TLE4: variants seen among roughly 807,000 people sequenced by gnomAD.
TLE4 encodes the protein transducin-like enhancer protein 4.
A neutral mutation model predicts 92.8 loss-of-function variants in TLE4; 8 were observed. The ratio of observed to expected loss-of-function variants is 0.09; its 90% CI spans 0.05 to 0.16. The LOEUF is 0.16. Among genes scored for constraint, TLE4 ranks in the 10% least tolerant of loss-of-function variants. The pLI is 1.00. For synonymous variants in TLE4, 371 were observed against 374.1 expected (o/e 0.99, Z 0.10); for missense variants, 675 against 997.6 (o/e 0.68, Z 4.36).
intron 4 of TLE4, among the ~76,000 whole-genome samples, chr9:79,587,060 A>G (rs988610982): frequency 7.2e-5 from 11 of 152,202 alleles, no homozygotes; most frequent in East Asian, 1.9e-4. Flanking sequence ...TACCTTATTC[A>G]TTCTGACTAT....
intron 8 of TLE4, among the ~76,000 whole-genome samples, chr9:79,699,202 G>T (rs2069083248): frequency 6.6e-6 from 1 of 152,034 alleles, no homozygotes; most frequent in Non-Finnish European, 1.5e-5. Flanking sequence ...TTTTTGACAT[G>T]GGTCTTTTGC....
intron 5 of TLE4, among the ~76,000 whole-genome samples, chr9:79,625,953 A>G (rs941963422): frequency 9.9e-5 from 15 of 151,356 alleles, no homozygotes; most frequent in African/African-American, 3.6e-4. Context: ...TGAAAATGGA[A>G]TGCATACAAT....
chr9:79,643,726 T>A (rs1463809458), intron 6 of TLE4, among the ~76,000 whole-genome samples: 1 of 152,200 alleles, frequency 6.6e-6, no homozygotes, highest in Non-Finnish European at 1.5e-5. Flanking sequence ...AGCTAGGTGA[T>A]CCATGGGGTG....
intron 4 of TLE4, among the ~76,000 whole-genome samples, chr9:79,600,478 C>G (rs1460711297): frequency 1.3e-5 from 2 of 151,880 alleles, no homozygotes; most frequent in African/African-American, 4.8e-5. Context: ...ACCCCAACAA[C>G]AAAAACACAC....
chr9:79,664,242 ATGT>A (rs1293069950), intron 8 of TLE4, among the ~76,000 whole-genome samples: 1 of 152,196 alleles, frequency 6.6e-6, no homozygotes, highest in African/African-American at 2.4e-5. Flanking sequence ...TCTCAGCGGG[ATGT>A]TATTAGCTTA....
chr9:79,653,611 G>C (rs1412232894), intron 7 of TLE4, among the ~76,000 whole-genome samples: 2 of 152,080 alleles, frequency 1.3e-5, no homozygotes, highest in Non-Finnish European at 2.9e-5. Flanking sequence ...TGGCTTGAAG[G>C]GTGTGTTTCA....
intron 4 of TLE4, among the ~76,000 whole-genome samples, chr9:79,609,127 C>T (rs192259034): frequency 1.3e-5 from 2 of 152,154 alleles, no homozygotes; most frequent in East Asian, 3.9e-4. Flanking sequence ...ACATCACTTT[C>T]CCATGATGTA....
chr9:79,682,486 C>T (rs765802233), intron 8 of TLE4, among the ~76,000 whole-genome samples: 14 of 152,216 alleles, frequency 9.2e-5, no homozygotes, highest in African/African-American at 3.4e-4. Flanking sequence ...AGAGGCAAAG[C>T]GGTCAAAAAC....
intron 4 of TLE4, among the ~76,000 whole-genome samples, chr9:79,595,471 T>C (rs1437091894): frequency 3.3e-5 from 5 of 152,242 alleles, no homozygotes; most frequent in Admixed American, 6.5e-5. Flanking sequence ...TTAACCGTTA[T>C]CTTTTTGCTG....
intron 5 of TLE4, among the ~76,000 whole-genome samples, chr9:79,614,650 T>A (rs1032933850): frequency 6.6e-6 from 1 of 152,190 alleles, no homozygotes; most frequent in Non-Finnish European, 1.5e-5. Flanking sequence ...CTTTGACATT[T>A]CTTGGTTGAA....
intron 1 of TLE4, 123 bp downstream of exon 1, chr9:79,572,958 C>T (rs999525703): frequency 2.3e-5 from 25 of 1,082,048 alleles, no homozygotes; most frequent in Admixed American, 9.8e-5. Flanking sequence ...ATCGGCGCCC[C>T]GCGCCGGGAG....
chr9:79,703,314 C>A (rs528716441), intron 8 of TLE4, among the ~76,000 whole-genome samples: 2 of 152,322 alleles, frequency 1.3e-5, no homozygotes, highest in South Asian at 4.1e-4. Context: ...TGCCAAGGGA[C>A]TGTGTTACTC....
At chr9:79,677,954 T>C (rs2063593065) in intron 8 of TLE4, among the ~76,000 whole-genome samples, 1 of 152,180 alleles carries the variant, frequency 6.6e-6, no homozygotes. Flanking sequence ...CTCTCTTCTA[T>C]TTTGAATGCT....
At chr9:79,719,993 A>C (rs191161908) in intron 15 of TLE4, 53 bp from the exon 16 acceptor site, 1 of 1,555,184 alleles carries the variant, frequency 6.4e-7, no homozygotes, top group African/African-American at 1.4e-5. Context: ...TCTCATGTTA[A>C]TGCTGTTTTC....
chr9:79,603,739 G>T (rs774947745), intron 4 of TLE4, among the ~76,000 whole-genome samples: 3 of 152,106 alleles, frequency 2.0e-5, no homozygotes, highest in Non-Finnish European at 2.9e-5. Context: ...GCCTGCAAAA[G>T]AATTCATGAG....
At chr9:79,633,139 G>A (rs2054759004) in intron 6 of TLE4, among the ~76,000 whole-genome samples, 1 of 152,120 alleles carries the variant, frequency 6.6e-6, no homozygotes, top group South Asian at 2.1e-4. Context: ...ACGGTTTGAT[G>A]AGGCTCTAAG....
At chr9:79,592,275 CTTTTTTTTT>C (rs1170642342) in intron 4 of TLE4, among the ~76,000 whole-genome samples, 1 of 106,922 alleles carries the variant, frequency 9.4e-6, no homozygotes, top group African/African-American at 3.4e-5. Context: ...TCTTCTTCTT[CTTTTTTTTT>C]TTTTTTTTGG....
At chr9:79,716,362 C>T (rs2136153641) in intron 14 of TLE4, among the ~76,000 whole-genome samples, 2 of 152,316 alleles carry the variant, frequency 1.3e-5, no homozygotes, top group South Asian at 4.1e-4. Context: ...CAGAGAGGGC[C>T]ACCTGACTGC....
intron 6 of TLE4, among the ~76,000 whole-genome samples, chr9:79,639,122 G>A (rs2056618125): frequency 6.6e-6 from 1 of 152,040 alleles, no homozygotes; most frequent in Non-Finnish European, 1.5e-5. Flanking sequence ...AATGTGTGGA[G>A]CTGTGGCAGC....
Sources: allele counts gnomAD v4.1 joint callset (sites outside exome capture counted in the v4.1 genomes callset), GRCh38; gene constraint gnomAD v4.1.1; transcripts MANE v1.5; gene names NCBI Gene and HGNC (gene_info 2026-07-23, HGNC 2026-07-21).